CPNE8: variants seen among roughly 807,000 people sequenced by gnomAD.
The protein encoded by CPNE8 is copine-8.
A neutral mutation model predicts 81.5 loss-of-function variants in CPNE8; 45 were observed. The ratio of observed to expected loss-of-function variants is 0.55; its 90% CI spans 0.44 to 0.71. The LOEUF (loss-of-function observed/expected upper bound fraction) is 0.71, where lower values mean the gene tolerates loss of function less well. CPNE8 is among the 30% of genes least tolerant of loss of function. The pLI is 0.00. For missense variants in CPNE8, 594 were observed against 672.1 expected, an observed-to-expected ratio of 0.88 and a Z score of 1.28; for synonymous variants, 252 against 226.3, an observed-to-expected ratio of 1.11 and a Z score of -1.02.
intron 1 of CPNE8, among the ~76,000 whole-genome samples, chr12:38,904,945 G>T (rs1592168524): frequency 1.3e-5 from 2 of 152,170 alleles, no homozygotes; most frequent in East Asian, 3.9e-4. Context: ...GGAGAAGCAA[G>T]CTGGAAGGCT....
intron 8 of CPNE8, among the ~76,000 whole-genome samples, chr12:38,767,222 C>T (rs1941708067): frequency 6.6e-6 from 1 of 151,856 alleles, no homozygotes; most frequent in African/African-American, 2.4e-5. Flanking sequence ...ATATAATGAA[C>T]ATTTTTACTG....
Position 38,769,307 on chromosome 12 carries a change from T to C in CPNE8, c.472-1569A>G, listed in dbSNP as rs774084691. ...GCAGGAAATACATTCTAGCAACGTA[T>C]AGTGACAATAGAGGTAAGGACAATA... On this transcript the variant is annotated intron_variant, in intron 7 of 19. Transcript: ENST00000331366. 1.6e-4 allele frequency among the ~76,000 whole-genome samples: 25 copies of C among 152,346 alleles called. No individual in the cohort carries two copies. The East Asian group carries it at 4.8e-3, about 29-fold the overall frequency.
At position 38,874,453 on chromosome 12, in the gene CPNE8, C is replaced by T. The variant is rs1371197736; in HGVS notation, c.139+18G>A. The T allele has an allele frequency of 1.3e-6, 2 of 1,582,216 alleles. No homozygotes were observed. Among genetic ancestry groups the T allele is most frequent in the East Asian group, 2.2e-5 (1 of 44,558 alleles). Reference sequence around the variant, plus strand: ...CAAAATCAAATGATTTTTCAAAAGGCAAGCAATACATACTTACTTGGATCA... The same window carrying T: ...CAAAATCAAATGATTTTTCAAAAGGTAAGCAATACATACTTACTTGGATCA... On this transcript the variant is annotated intron_variant, in intron 2 of 19. Transcript: ENST00000331366.
chr12:38,764,719 G>A (rs1214537026), intron 8 of CPNE8, among the ~76,000 whole-genome samples: 1 of 150,354 alleles, frequency 6.7e-6, no homozygotes, highest in Non-Finnish European at 1.5e-5. Context: ...TATTCATTAA[G>A]ATACATTCAT....
intron 8 of CPNE8, among the ~76,000 whole-genome samples, chr12:38,762,909 A>G (rs572365907): frequency 2.0e-5 from 3 of 152,264 alleles, no homozygotes; most frequent in Admixed American, 2.0e-4. Context: ...CCCAGGCTGG[A>G]GTGCAGCGGC....
chr12:38,904,858 T>G (rs1047713154), intron 1 of CPNE8, among the ~76,000 whole-genome samples: 43 of 152,130 alleles, frequency 2.8e-4, no homozygotes, highest in Admixed American at 1.0e-3. Context: ...AGATCTTAGG[T>G]AAGGCATAGA....
chr12:38,868,979 T>C (rs913696801), intron 3 of CPNE8, among the ~76,000 whole-genome samples: 1 of 152,188 alleles, frequency 6.6e-6, no homozygotes, highest in Non-Finnish European at 1.5e-5. Context: ...AATGCAATAG[T>C]ATTCAGTTGA....
chr12:38,798,911 A>T (rs1175123114), intron 6 of CPNE8, among the ~76,000 whole-genome samples: 2 of 152,210 alleles, frequency 1.3e-5, no homozygotes, highest in African/African-American at 4.8e-5. Context: ...AGTCTCTGAT[A>T]AAACAGACTT....
intron 10 of CPNE8, among the ~76,000 whole-genome samples, chr12:38,736,247 A>G (rs558741097): frequency 1.1e-5 from 1 of 88,656 alleles, no homozygotes; most frequent in African/African-American, 3.9e-5. Flanking sequence ...TGTGTGTATT[A>G]CACTTCTATA....
At chr12:38,715,028 A>T (rs1940351010) in intron 13 of CPNE8, among the ~76,000 whole-genome samples, 1 of 152,110 alleles carries the variant, frequency 6.6e-6, no homozygotes, top group African/African-American at 2.4e-5. Context: ...TTCTAATTGG[A>T]TTCACGAGTA....
At chr12:38,834,568 C>T (rs1387532842) in intron 5 of CPNE8, among the ~76,000 whole-genome samples, 1 of 152,142 alleles carries the variant, frequency 6.6e-6, no homozygotes, top group Non-Finnish European at 1.5e-5. Context: ...TTTTAACCAC[C>T]AAAGGTTGCT....
intron 5 of CPNE8, among the ~76,000 whole-genome samples, chr12:38,832,431 A>T (rs1014684095): frequency 4.6e-5 from 7 of 152,194 alleles, no homozygotes; most frequent in Non-Finnish European, 1.0e-4. Context: ...CAGGCCCATA[A>T]TGGCAGACAT....
chr12:38,850,702 C>G (rs558483338), intron 3 of CPNE8, among the ~76,000 whole-genome samples: 2 of 152,290 alleles, frequency 1.3e-5, no homozygotes, highest in East Asian at 3.9e-4. Context: ...CAGCTGTCCA[C>G]TCATTCTTTT....
chr12:38,720,268 G>C (rs1021218796), intron 13 of CPNE8, among the ~76,000 whole-genome samples: 11 of 152,208 alleles, frequency 7.2e-5, no homozygotes, highest in Admixed American at 1.3e-4. Flanking sequence ...AAGTGTGATA[G>C]AGTTAAGACT....
chr12:38,887,143 G>T (rs1480259539), intron 1 of CPNE8, among the ~76,000 whole-genome samples: 1 of 152,122 alleles, frequency 6.6e-6, no homozygotes, highest in East Asian at 1.9e-4. Flanking sequence ...GTAGCAATAG[G>T]ACATTACTGC....
intron 6 of CPNE8, among the ~76,000 whole-genome samples, chr12:38,783,083 T>TG (rs1288397102): frequency 6.6e-6 from 1 of 152,206 alleles, no homozygotes; most frequent in Admixed American, 6.5e-5. Context: ...TCTTACATTT[T>TG]GAGAGACATA....
At chr12:38,680,236 T>A (rs1592005525) in intron 16 of CPNE8, among the ~76,000 whole-genome samples, 1 of 152,132 alleles carries the variant, frequency 6.6e-6, no homozygotes, top group East Asian at 1.9e-4. Flanking sequence ...TTCAGCTTAT[T>A]ATTAGTTCAC....
intron 19 of CPNE8, among the ~76,000 whole-genome samples, chr12:38,661,958 C>T (rs910309571): frequency 6.6e-5 from 10 of 150,692 alleles, no homozygotes; most frequent in Non-Finnish European, 1.5e-4. Context: ...AATACAACAT[C>T]CCTTCAGGAT....
chr12:38,757,886 A>C (rs1490510851), intron 10 of CPNE8, among the ~76,000 whole-genome samples: 1 of 152,032 alleles, frequency 6.6e-6, no homozygotes, highest in Non-Finnish European at 1.5e-5. Flanking sequence ...CTTTATTTTC[A>C]GTCTTTAACT....
Sources: allele counts gnomAD v4.1 joint callset (sites outside exome capture counted in the v4.1 genomes callset), GRCh38; gene constraint gnomAD v4.1.1; transcripts MANE v1.5; gene names NCBI Gene and HGNC (gene_info 2026-07-23, HGNC 2026-07-21).